The following PLD2 variants were observed in gnomAD, a reference collection of about 807,000 sequenced individuals.
PLD2 encodes phospholipase D2.
In PLD2, 101 loss-of-function variants were observed where a neutral mutation model predicts 119.8. The ratio of observed to expected loss-of-function variants is 0.84; its 90% CI spans 0.72 to 0.99. PLD2 has a LOEUF of 0.99. Among genes scored for constraint, PLD2 ranks in the 50% least tolerant of loss-of-function variants. The probability of loss-of-function intolerance (pLI) is 0.00; values close to 1 mark genes in which losing one functional copy is unlikely to be tolerated. For synonymous variants in PLD2, 494 were observed against 482.8 expected (o/e 1.02, Z -0.30); for missense variants, 1,164 against 1,226.8 (o/e 0.95, Z 0.76).
In PLD2 at chr17:4,814,431, G is replaced by A. The variant is rs773315677; in HGVS notation, c.1024G>A (p.Ala342Thr). The change falls in exon 11 of 25, where the codon GCA becomes ACA. Residue 342 changes from alanine to threonine, a missense_variant. Ala to Thr is a moderately conservative substitution (Grantham distance 58, BLOSUM62 0). Coordinates refer to ENST00000263088, the MANE Select transcript of PLD2 (RefSeq NM_002663.5). ...GCCTCCCCCCAGGTTTGTGAATGGG[G>A]CAGGTTACTTTGCTGCTGTGGCAGA... ...GTLARWFVNG[A>T]GYFAAVADAI... 2.0e-5 allele frequency: 33 copies of A among 1,611,526 alleles called. No homozygotes were observed. In the South Asian group the frequency reaches 3.0e-4, roughly 15 times the overall value.
rs1567526559 is a variant in PLD2 at position 4,810,965 on chromosome 17, A to T, written c.1010+14A>T. On this transcript the variant is annotated intron_variant, in intron 10 of 24. Transcript: ENST00000263088. ...CTTGGCCCGGTGGTGAGACACTGAC[A>T]TCCCTTCTGAGCTTGTCTGTGGCTT... is the stretch of plus-strand genomic sequence containing the variant. 6.2e-7 allele frequency: 1 copy of T among 1,603,662 alleles called. No homozygotes were observed. The highest frequency in any genetic ancestry group is 8.5e-7 in the Non-Finnish European group (1 of 1,177,312).
Position 4,818,074 on chromosome 17 carries a change from A to C in PLD2, c.1888A>C (p.Ile630Leu), listed in dbSNP as rs1234331625. Residue 630 changes from isoleucine to leucine, a missense_variant, in exon 18 of 25, where the codon ATC (isoleucine) becomes CTC (leucine). Coordinates refer to ENST00000263088, the MANE Select transcript of PLD2 (RefSeq NM_002663.5). ...NSILNAYLHT[I>L]RESQHFLYIE... ...CATCCTCAATGCCTACCTGCACACC[A>C]TCAGGGAGAGCCAGCACTTCCTCTA... is the stretch of plus-strand genomic sequence containing the variant. 2 of 1,613,964 alleles carry C rather than the reference A, an allele frequency of 1.2e-6. No individual in the cohort carries two copies. The highest frequency in any genetic ancestry group is 2.2e-5 in the South Asian group (2 of 91,080).
chr17:4,819,326 G>A lies in PLD2; in HGVS notation c.2309-103G>A. On this transcript the variant is annotated intron_variant, in intron 22 of 24. Transcript: ENST00000263088. This position sits in a 1 kb window ranked among gnomAD's most constrained non-coding sequence, Gnocchi z 4.2. Reference sequence around the variant, plus strand: ...GCTGAGGCTCGTGTAGGGGTGGAGGGTCCAAGAAGGAATGTTGCAGGCCAG... The same window carrying A: ...GCTGAGGCTCGTGTAGGGGTGGAGGATCCAAGAAGGAATGTTGCAGGCCAG... 3.1e-6 allele frequency: 5 copies of A among 1,588,594 alleles called. No individual in the cohort carries two copies. Among genetic ancestry groups the A allele is most frequent in the Non-Finnish European group, 4.3e-6 (5 of 1,163,656 alleles).
chr17:4,810,802 G>T lies in PLD2; in HGVS notation c.861G>T (p.Arg287Ser). The change falls in exon 10 of 25, where the codon AGG (arginine) becomes AGT (serine). Residue 287 changes from arginine to serine, a missense_variant and splice_region_variant. Arg to Ser is a moderately radical substitution (Grantham distance 110). Transcript: ENST00000263088. ...TGGACATCTCATCGTTCCCATCCAG[G>T]TCCTTGATTCTCAAGTGCAGCAGCT... ...RHGVRIDTSH[R>S]SLILKCSSYR... 1 of 1,611,114 alleles carries T rather than the reference G, an allele frequency of 6.2e-7. No homozygotes were observed. Among genetic ancestry groups the T allele is most frequent in the South Asian group, 1.1e-5 (1 of 90,776 alleles).
At position 4,810,798 on chromosome 17, in the gene PLD2, C is replaced by A; in HGVS notation, c.861-4C>A. The A allele has an allele frequency of 1.2e-6, 2 of 1,609,764 alleles. No individual in the cohort carries two copies. The highest frequency in any genetic ancestry group is 1.7e-6 in the Non-Finnish European group (2 of 1,177,528). ...TTTATGGACATCTCATCGTTCCCAT[C>A]CAGGTCCTTGATTCTCAAGTGCAGC... On this transcript the variant is annotated splice_region_variant and splice_polypyrimidine_tract_variant and intron_variant, in intron 9 of 24. Coordinates refer to ENST00000263088, the MANE Select transcript of PLD2 (RefSeq NM_002663.5).
In PLD2 at chr17:4,818,614, C is replaced by A. The variant is rs1353999179; in HGVS notation, c.2123+7C>A. 1 of 1,602,460 alleles carries A rather than the reference C, an allele frequency of 6.2e-7. No individual in the cohort carries two copies. The highest frequency in any genetic ancestry group is 1.7e-5 in the Admixed American group (1 of 59,960). ...TTCTGCACTTTACTTACAGGTGACC[C>A]CCCAGGCGGACTCCAGCTCTCAGTG... On this transcript the variant is annotated splice_region_variant and intron_variant, in intron 20 of 24. Coordinates refer to ENST00000263088, the MANE Select transcript of PLD2 (RefSeq NM_002663.5).
rs771175723 is a variant in PLD2, at chr17:4,808,079, G to A, written c.205G>A (p.Val69Met). The change falls in exon 3 of 25, where the codon GTG (valine) becomes ATG (methionine). Residue 69 changes from valine (V) to methionine (M), a missense_variant. Physicochemically the swap from Val to Met is conservative, Grantham distance 21. Coordinates refer to ENST00000263088, the MANE Select transcript of PLD2 (RefSeq NM_002663.5). The surrounding 1 kb of genome is among the most constrained non-coding windows in gnomAD (Gnocchi z 4.1). ...ACCTGGGGTCCCTGTCACAGCCCAG[G>A]TGGTGGGCACCGAAAGATATACCAG... Reference protein sequence around the residue: ...FAPGVPVTAQVVGTERYTSGS... With the variant: ...FAPGVPVTAQMVGTERYTSGS... The A allele has an allele frequency of 6.8e-6, 11 of 1,612,190 alleles. No individual in the cohort carries two copies. Among genetic ancestry groups the A allele is most frequent in the East Asian group, 2.2e-5 (1 of 44,780 alleles).
At chr17:4,811,907 C>T (rs1597324715) in intron 10 of PLD2, among the ~76,000 whole-genome samples, 2 of 152,240 alleles carry the variant, frequency 1.3e-5, no homozygotes, top group Non-Finnish European at 2.9e-5. Context: ...TTCAACCTCC[C>T]AGGCTCAAAT....
In PLD2 at chr17:4,808,986, G is replaced by A. The variant is rs1473628959; in HGVS notation, c.384-114G>A. 6.3e-6 allele frequency: 5 copies of A among 794,148 alleles called. No homozygotes were observed. The highest frequency in any genetic ancestry group is 1.7e-5 in the African/African-American group (1 of 58,654). 49.2% of individuals were successfully genotyped at this position (794,148 alleles called of 1,614,324 possible). On this transcript the variant is annotated intron_variant, in intron 4 of 24. Transcript: ENST00000263088. This position sits in a 1 kb window ranked among gnomAD's most constrained non-coding sequence, Gnocchi z 4.1. ...TGGGATTCCAGGCGTGAGCCACCACGCCTGGCCACCTCCAGGCCTCTTCTT... is the reference window on the plus strand; with the variant it reads ...TGGGATTCCAGGCGTGAGCCACCACACCTGGCCACCTCCAGGCCTCTTCTT...
Position 4,819,057 on chromosome 17 carries a change from C to A in PLD2, c.2174-27C>A. On this transcript the variant is annotated intron_variant, in intron 21 of 24. Transcript: ENST00000263088. The surrounding 1 kb of genome is among the most constrained non-coding windows in gnomAD (Gnocchi z 4.2). ...GCCCTGTGCACACAGAGCCACCTCT[C>A]ACCTCACTTCCCCTCCTGTCACGCA... The A allele has an allele frequency of 6.2e-7, 1 of 1,612,986 alleles. No individual in the cohort carries two copies. The highest frequency in any genetic ancestry group is 1.1e-5 in the South Asian group (1 of 90,920).
At chr17:4,818,702 G>A (rs1330845755) in intron 20 of PLD2, 72 bp from the exon 21 acceptor site, 7 of 1,581,124 alleles carry the variant, frequency 4.4e-6, no homozygotes, top group African/African-American at 1.3e-5. Context: ...GGGCCTTAAA[G>A]AAGGGCCACC....
rs1172564632 is a variant in PLD2 at position 4,807,446 on chromosome 17, A to G, written c.-2+221A>G. Reference sequence around the variant, plus strand: ...CCCGTAGCCGCGCGCTCTCCGGACCACCCAGGGCCGCTTCCCCGCGCAGCT... The same window carrying G: ...CCCGTAGCCGCGCGCTCTCCGGACCGCCCAGGGCCGCTTCCCCGCGCAGCT... On this transcript the variant is annotated intron_variant, in intron 1 of 24. Transcript: ENST00000263088. The surrounding 1 kb of genome is among the most constrained non-coding windows in gnomAD (Gnocchi z 5.4). The G allele has an allele frequency of 1.7e-5, 4 of 237,412 alleles. No individual in the cohort carries two copies. The highest frequency in any genetic ancestry group is 3.3e-5 in the Non-Finnish European group (4 of 120,166). 14.7% of individuals were successfully genotyped at this position (237,412 alleles called of 1,614,324 possible). A position where few individuals can be genotyped will look rare whatever the true frequency, so the allele number is the denominator to read the frequency against.
intron 10 of PLD2, among the ~76,000 whole-genome samples, chr17:4,811,297 CTTTTTTTT>C (rs35190261): frequency 1.3e-5 from 1 of 77,850 alleles, no homozygotes; most frequent in African/African-American, 4.9e-5. Flanking sequence ...ATTTTCTTTT[CTTTTTTTT>C]TTTTTTTTTT....
At position 4,818,595 on chromosome 17, in the gene PLD2, A is replaced by C; in HGVS notation, c.2111A>C (p.His704Pro). The change falls in exon 20 of 25, where the codon CAC becomes CCC. Residue 704 changes from histidine (H) to proline (P), a missense_variant. Coordinates refer to ENST00000263088, the MANE Select transcript of PLD2 (RefSeq NM_002663.5). ...GGCAACTCCATCCAGGCCATTCTGCACTTTACTTACAGGTGACCCCCCAGG... is the reference window on the plus strand; with the variant it reads ...GGCAACTCCATCCAGGCCATTCTGCCCTTTACTTACAGGTGACCCCCCAGG... ...GGGNSIQAIL[H>P]FTYRTLCRGE... is the part of the protein sequence containing the mutation. 1 of 1,612,544 alleles carries C rather than the reference A, an allele frequency of 6.2e-7. No individual in the cohort carries two copies. Among genetic ancestry groups the C allele is most frequent in the East Asian group, 2.2e-5 (1 of 44,866 alleles).
In PLD2 at chr17:4,810,920, G is replaced by A. The variant is rs201456058; in HGVS notation, c.979G>A (p.Ala327Thr). 1.2e-4 allele frequency: 190 copies of A among 1,612,806 alleles called. No individual in the cohort carries two copies. Among genetic ancestry groups the A allele is most frequent in the Non-Finnish European group, 7.2e-5 (85 of 1,179,828 alleles). The change falls in exon 10 of 25, where the codon GCC becomes ACC. Residue 327 changes from alanine to threonine, a missense_variant. Transcript: ENST00000263088. ...ACAGCTGCACCGGCATGACAGCTACGCCCCACCCCGGCCTGGGACCTTGGC... is the reference window on the plus strand; with the variant it reads ...ACAGCTGCACCGGCATGACAGCTACACCCCACCCCGGCCTGGGACCTTGGC... ...FLQLHRHDSY[A>T]PPRPGTLARW...
chr17:4,811,009 T>A, intron 10 of PLD2, 58 bp downstream of exon 10: 1 of 1,516,878 alleles, frequency 6.6e-7, no homozygotes, highest in Admixed American at 1.9e-5. Flanking sequence ...CCCTGTGTAA[T>A]CTCTGAGTCC....
chr17:4,811,166 C>T (rs1286849021), intron 10 of PLD2, among the ~76,000 whole-genome samples: 1 of 152,140 alleles, frequency 6.6e-6, no homozygotes, highest in African/African-American at 2.4e-5. Context: ...TTGGTCATCT[C>T]TTCTGACCCT....
At position 4,818,955 on chromosome 17, in the gene PLD2, C is replaced by T; in HGVS notation, c.2174-129C>T. 6.7e-6 allele frequency: 10 copies of T among 1,490,702 alleles called. No individual in the cohort carries two copies. The South Asian group carries it at 1.1e-4, about 17-fold the overall frequency. 92.3% of individuals were successfully genotyped at this position (1,490,702 alleles called of 1,614,324 possible). ...CTGACGCTACGCAGACCATAGCTGG[C>T]CTTTCACTGCAGGGAGAAGGAGAGA... On this transcript the variant is annotated intron_variant, in intron 21 of 24. Transcript: ENST00000263088.
chr17:4,819,255 T>C lies in PLD2; in HGVS notation c.2308+37T>C. On this transcript the variant is annotated intron_variant, in intron 22 of 24. Coordinates refer to ENST00000263088, the MANE Select transcript of PLD2 (RefSeq NM_002663.5). The surrounding 1 kb of genome is among the most constrained non-coding windows in gnomAD (Gnocchi z 4.2). ...ATCTAGTCCTCTGGCAGGGAGAGGG[T>C]GTGGGGACAGGCGAAGAGATGAGAG... The C allele has an allele frequency of 6.2e-7, 1 of 1,611,036 alleles. No homozygotes were observed. The highest frequency in any genetic ancestry group is 1.3e-5 in the African/African-American group (1 of 74,652).
Sources: gnomAD v4.1 joint callset for allele counts (sites outside exome capture counted in the v4.1 genomes callset) on GRCh38, gnomAD v4.1.1 for gene constraint, Gnocchi (gnomAD v3.1) non-coding constraint, MANE v1.5 for transcripts, NCBI Gene and HGNC (gene_info 2026-07-23, HGNC 2026-07-21) for gene names.